The following NREP variants were observed in gnomAD, a reference collection of about 807,000 sequenced individuals.
NREP encodes the protein neuronal regeneration-related protein.
In NREP, 5 loss-of-function variants were observed where a neutral mutation model predicts 8.6. The ratio of observed to expected loss-of-function variants is 0.58; its 90% CI spans 0.30 to 1.22. The LOEUF (loss-of-function observed/expected upper bound fraction) is 1.22. Ranked by LOEUF, NREP falls within the 50% of genes most tolerant of loss-of-function variation. The probability of loss-of-function intolerance (pLI) is 0.07; values close to 1 mark genes in which losing one functional copy is unlikely to be tolerated. For missense variants in NREP, 86 were observed against 82.5 expected (o/e 1.04, Z -0.17); for synonymous variants, 27 against 28.0 (o/e 0.96, Z 0.11).
chr5:111,761,058 A>G (rs945373355), upstream of NREP, among the ~76,000 whole-genome samples: 5 of 152,246 alleles, frequency 3.3e-5, no homozygotes, highest in African/African-American at 9.6e-5. Context: ...AGCCAGCTCT[A>G]TGTGGCCTTG....
intron 2 of NREP, among the ~76,000 whole-genome samples, chr5:111,782,206 C>T (rs1330563807): frequency 6.6e-6 from 1 of 152,172 alleles, no homozygotes; most frequent in Non-Finnish European, 1.5e-5. Flanking sequence ...CTAAATTCCA[C>T]GTTCTCATTT....
chr5:111,784,844 A>G (rs1751572013), intron 2 of NREP, among the ~76,000 whole-genome samples: 1 of 152,192 alleles, frequency 6.6e-6, no homozygotes, highest in Non-Finnish European at 1.5e-5. Context: ...GTTCCCAATC[A>G]TCACTCATTT....
At chr5:111,734,219 G>C (rs576826243) in intron 3 of NREP, 14 of 153,150 alleles carry the variant, frequency 9.1e-5, no homozygotes, top group African/African-American at 3.4e-4. Flanking sequence ...CTGGATGCCT[G>C]AATGAGGCAA....
At chr5:111,957,984 A>G (rs1284843293) in intron 2 of NREP, among the ~76,000 whole-genome samples, 2 of 151,946 alleles carry the variant, frequency 1.3e-5, no homozygotes, top group Non-Finnish European at 2.9e-5. Flanking sequence ...AAGAAAGAAA[A>G]AAGCCCAGCA....
intron 2 of NREP, among the ~76,000 whole-genome samples, chr5:111,839,091 C>T (rs1025621608): frequency 1.3e-5 from 2 of 151,980 alleles, no homozygotes; most frequent in Non-Finnish European, 2.9e-5. Flanking sequence ...AAATCATAAC[C>T]CTGTAGTACA....
intron 2 of NREP, among the ~76,000 whole-genome samples, chr5:111,830,656 G>A (rs1298589917): frequency 6.6e-6 from 1 of 152,214 alleles, no homozygotes; most frequent in African/African-American, 2.4e-5. Flanking sequence ...TAGGGGTGTG[G>A]CTGAGGTCTC....
chr5:111,827,659 T>A (rs76245413), intron 2 of NREP, among the ~76,000 whole-genome samples: 1 of 152,126 alleles, frequency 6.6e-6, no homozygotes, highest in African/African-American at 2.4e-5. Flanking sequence ...CTGGCCAACA[T>A]GGCGAAACCT....
At chr5:111,935,141 T>C (rs1253996021) in intron 2 of NREP, among the ~76,000 whole-genome samples, 1 of 152,130 alleles carries the variant, frequency 6.6e-6, no homozygotes, top group Non-Finnish European at 1.5e-5. Flanking sequence ...ATTTCCCCAC[T>C]GTCTCCTTTG....
At position 111,963,193 on chromosome 5, in the gene NREP, GGCCTGCATGGA is replaced by G. The variant is rs1463072979; in HGVS notation, c.135+12070_135+12080del. ...CACCCCCAGCTGAGCAACGCCATGG[GGCCTGCATGGA>G]GCCTGCTCCTGCCAGCGCCCAAAGC... is the stretch of plus-strand genomic sequence containing the variant. On this transcript the variant is annotated intron_variant, in intron 2 of 3. Transcript: ENST00000395634. Among the ~76,000 whole-genome samples the G allele has an allele frequency of 2.0e-5, 3 of 152,346 alleles. No individual in the cohort carries two copies. The East Asian group carries it at 5.8e-4, about 29-fold the overall frequency.
chr5:111,760,406 C>T (rs1750935100), upstream of NREP, among the ~76,000 whole-genome samples: 1 of 152,174 alleles, frequency 6.6e-6, no homozygotes. Flanking sequence ...TGACCCAAAT[C>T]AGGATTTTCG....
chr5:111,920,514 C>T (rs544370842), intron 2 of NREP, among the ~76,000 whole-genome samples: 1 of 152,014 alleles, frequency 6.6e-6, no homozygotes, highest in Admixed American at 6.6e-5. Flanking sequence ...ATCAAGGACA[C>T]AGACACTCCA....
intron 2 of NREP, among the ~76,000 whole-genome samples, chr5:111,925,766 TC>T (rs1200558742): frequency 1.3e-5 from 2 of 152,194 alleles, no homozygotes; most frequent in Non-Finnish European, 2.9e-5. Flanking sequence ...CCCCAGTTTT[TC>T]ATAGGCCCTC....
chr5:111,755,489 G>C (rs1328523751), intron 2 of NREP: 1 of 427,262 alleles, frequency 2.3e-6, no homozygotes. Context: ...TTAAAGAACC[G>C]AATAGTTTCT....
intron 2 of NREP, among the ~76,000 whole-genome samples, chr5:111,793,686 A>G (rs1426610607): frequency 2.6e-5 from 4 of 152,186 alleles, no homozygotes; most frequent in Admixed American, 2.6e-4. Context: ...ATTAACCATC[A>G]CAGGAGCCCT....
At position 111,931,611 on chromosome 5, in the gene NREP, G is replaced by A. The variant is rs372389006; in HGVS notation, c.135+43663C>T. 6.6e-5 allele frequency among the ~76,000 whole-genome samples: 10 copies of A among 152,262 alleles called. No homozygotes were observed. The East Asian group carries it at 1.9e-3, about 29-fold the overall frequency. Reference sequence around the variant, plus strand: ...AATTTCTGACTTGTAGGAACTGTGAGATAATATATATTTGTTGTTTTAACT... The same window carrying A: ...AATTTCTGACTTGTAGGAACTGTGAAATAATATATATTTGTTGTTTTAACT... On this transcript the variant is annotated intron_variant, in intron 2 of 3. Coordinates refer to the NREP transcript ENST00000395634.
chr5:111,798,649 C>T (rs962226197), intron 2 of NREP, among the ~76,000 whole-genome samples: 3 of 151,930 alleles, frequency 2.0e-5, no homozygotes, highest in African/African-American at 7.3e-5. Context: ...TGAGTTACTT[C>T]ATTTGGAATA....
At chr5:111,939,317 T>C (rs888540864) in intron 2 of NREP, among the ~76,000 whole-genome samples, 11 of 151,956 alleles carry the variant, frequency 7.2e-5, no homozygotes, top group African/African-American at 2.4e-4. Flanking sequence ...AATGATGGAG[T>C]AGGAAAAATA....
chr5:111,887,576 A>C (rs1050387123), intron 2 of NREP, among the ~76,000 whole-genome samples: 1 of 152,200 alleles, frequency 6.6e-6, no homozygotes, highest in African/African-American at 2.4e-5. Flanking sequence ...AGCAGCCTAT[A>C]ATTTGGACAC....
At chr5:111,914,926 G>C (rs1202793316) in intron 2 of NREP, among the ~76,000 whole-genome samples, 1 of 152,060 alleles carries the variant, frequency 6.6e-6, no homozygotes, top group Non-Finnish European at 1.5e-5. Context: ...TCAAAATCTT[G>C]CTCTTCTTTT....
Sources: allele counts gnomAD v4.1 joint callset (sites outside exome capture counted in the v4.1 genomes callset), GRCh38; gene constraint gnomAD v4.1.1; transcripts MANE v1.5; gene names NCBI Gene and HGNC (gene_info 2026-07-23, HGNC 2026-07-21).